Variants in NTM observed in about 807,000 individuals in gnomAD.
NTM encodes the protein IgLON family member 2.
NTM carries 13 observed loss-of-function variants against 42.1 expected under a neutral mutation model. The observed-to-expected ratio is 0.31, with a 90% CI of 0.20 to 0.49. NTM has a LOEUF of 0.49. Among genes scored for constraint, NTM ranks in the 20% least tolerant of loss-of-function variants. NTM has a pLI of 0.99. For missense variants in NTM, 373 were observed against 452.8 expected, an observed-to-expected ratio of 0.82 and a Z score of 1.60; for synonymous variants, 187 against 179.2, an observed-to-expected ratio of 1.04 and a Z score of -0.35.
At chr11:131,415,898 C>T (rs1361244851) in intron 1 of NTM, among the ~76,000 whole-genome samples, 1 of 152,106 alleles carries the variant, frequency 6.6e-6, no homozygotes, top group Non-Finnish European at 1.5e-5. Flanking sequence ...GTAGTGGGCA[C>T]AGGAGGTAGT....
intron 2 of NTM, among the ~76,000 whole-genome samples, chr11:132,134,725 A>C (rs1299238431): frequency 3.2e-5 from 2 of 62,894 alleles, no homozygotes; most frequent in East Asian, 3.6e-4. Context: ...ATATATATAT[A>C]TATATATATA....
chr11:131,372,671 T>C (rs1311082933), intron 1 of NTM, among the ~76,000 whole-genome samples: 1 of 152,076 alleles, frequency 6.6e-6, no homozygotes, highest in Non-Finnish European at 1.5e-5. Context: ...GAGATCCATG[T>C]CTCTTCTGCC....
At chr11:131,414,239 G>GA (rs1157119159) in intron 1 of NTM, among the ~76,000 whole-genome samples, 2 of 152,182 alleles carry the variant, frequency 1.3e-5, no homozygotes, top group Non-Finnish European at 2.9e-5. Context: ...TCTGGGAGAT[G>GA]AAGCAAACCC....
At chr11:131,940,962 C>T (rs1408679735) in intron 2 of NTM, among the ~76,000 whole-genome samples, 1 of 152,056 alleles carries the variant, frequency 6.6e-6, no homozygotes, top group African/African-American at 2.4e-5. Context: ...TCAAAGTAAA[C>T]CCCTGCATGA....
chr11:131,901,812 C>G lies in NTM; in HGVS notation c.83-9752C>G, dbSNP rs146273424. Among the ~76,000 whole-genome samples, 101 of 152,338 alleles carry G rather than the reference C, an allele frequency of 6.6e-4. No individual in the cohort carries two copies. The East Asian group carries it at 0.018, about 27-fold the overall frequency. Reference sequence around the variant, plus strand: ...CAACATTTTCCAAATTCTGCCTCCTCCAGGTTCAAAGCTACCTGAACAGCA... The same window carrying G: ...CAACATTTTCCAAATTCTGCCTCCTGCAGGTTCAAAGCTACCTGAACAGCA... On this transcript the variant is annotated intron_variant, in intron 1 of 8. Transcript: ENST00000683400.
At chr11:131,884,180 CG>C (rs1223368197) in intron 1 of NTM, among the ~76,000 whole-genome samples, 1 of 152,054 alleles carries the variant, frequency 6.6e-6, no homozygotes, top group Non-Finnish European at 1.5e-5. Flanking sequence ...GAGGCTGAGG[CG>C]GGCAGATCAC....
chr11:132,260,096 G>A (rs555067918), intron 4 of NTM, among the ~76,000 whole-genome samples: 81 of 152,256 alleles, frequency 5.3e-4, no homozygotes, highest in Admixed American at 1.0e-3. Context: ...CAAGGGAGGA[G>A]GAGGACTAGC....
intron 3 of NTM, among the ~76,000 whole-genome samples, chr11:132,167,293 A>G (rs576509859): frequency 1.5e-4 from 23 of 151,968 alleles, no homozygotes; most frequent in African/African-American, 5.6e-4. Context: ...CTGGTCTTCA[A>G]CTCCTCAAGT....
At chr11:131,408,711 A>G (rs1270064824) in intron 1 of NTM, among the ~76,000 whole-genome samples, 1 of 152,178 alleles carries the variant, frequency 6.6e-6, no homozygotes, top group Non-Finnish European at 1.5e-5. Flanking sequence ...AAAGATTCTA[A>G]CTCAAGCCCA....
At chr11:132,176,722 GTTT>G (rs148699196) in intron 3 of NTM, among the ~76,000 whole-genome samples, 1 of 82,004 alleles carries the variant, frequency 1.2e-5, no homozygotes, top group Admixed American at 1.9e-4. Flanking sequence ...CATGCCTAAA[GTTT>G]TTTTTTTTTT....
At chr11:132,214,835 C>G (rs1479632651) in intron 4 of NTM, among the ~76,000 whole-genome samples, 1 of 152,202 alleles carries the variant, frequency 6.6e-6, no homozygotes, top group African/African-American at 2.4e-5. Context: ...GCAGGACAAT[C>G]AGAATGTACC....
intron 7 of NTM, among the ~76,000 whole-genome samples, chr11:132,329,046 G>T (rs945891849): frequency 1.3e-5 from 2 of 152,160 alleles, no homozygotes; most frequent in Non-Finnish European, 2.9e-5. Flanking sequence ...AATCAAGAGG[G>T]ATATCGTGTG....
At chr11:131,758,407 T>C (rs2083626721) in intron 1 of NTM, among the ~76,000 whole-genome samples, 1 of 152,002 alleles carries the variant, frequency 6.6e-6, no homozygotes, top group Non-Finnish European at 1.5e-5. Flanking sequence ...AACACTGTCT[T>C]CAAAGCAACA....
intron 1 of NTM, among the ~76,000 whole-genome samples, chr11:131,712,988 G>C (rs1025668985): frequency 2.0e-5 from 3 of 152,160 alleles, no homozygotes; most frequent in African/African-American, 7.2e-5. Context: ...GTAGCAGAGA[G>C]GGAGCCCCGG....
In NTM at chr11:132,151,299, C is replaced by T. The variant is rs180762135; in HGVS notation, c.400+4785C>T. On this transcript the variant is annotated intron_variant, in intron 3 of 8. Coordinates refer to ENST00000683400, the MANE Select transcript of NTM (RefSeq NM_001352005.2). ...GCAAGTTAAGGACAGCTTGAGAAGA[C>T]GTCTAAAAGGCCCCGTCTGTGTTTC... Among the ~76,000 whole-genome samples, 308 of 152,250 alleles carry T rather than the reference C, an allele frequency of 2.0e-3. 3 individuals are homozygous for T. Among genetic ancestry groups the T allele is most frequent in the African/African-American group, 7.2e-3 (298 of 41,548 alleles).
At chr11:131,559,247 C>T (rs2055881281) in intron 1 of NTM, among the ~76,000 whole-genome samples, 1 of 152,188 alleles carries the variant, frequency 6.6e-6, no homozygotes, top group Admixed American at 6.5e-5. Flanking sequence ...TGGTCTAAAA[C>T]TCTTCTTTTT....
chr11:131,655,776 A>C (rs2067107799), intron 1 of NTM, among the ~76,000 whole-genome samples: 1 of 152,266 alleles, frequency 6.6e-6, no homozygotes, highest in Non-Finnish European at 1.5e-5. Flanking sequence ...TCTCCTACCC[A>C]GCCAAGCTCT....
At chr11:131,505,180 A>G (rs2047337027) in intron 1 of NTM, among the ~76,000 whole-genome samples, 1 of 151,858 alleles carries the variant, frequency 6.6e-6, no homozygotes, top group Non-Finnish European at 1.5e-5. Context: ...TGAGGATTTG[A>G]TGATGTCTCT....
intron 1 of NTM, among the ~76,000 whole-genome samples, chr11:131,808,854 G>A (rs899662439): frequency 6.6e-6 from 1 of 152,228 alleles, no homozygotes; most frequent in African/African-American, 2.4e-5. Flanking sequence ...CCCAGAGGCT[G>A]GCGGGACAAA....
Sources: allele counts gnomAD v4.1 joint callset (sites outside exome capture counted in the v4.1 genomes callset), GRCh38; gene constraint gnomAD v4.1.1; transcripts MANE v1.5; gene names NCBI Gene and HGNC (gene_info 2026-07-23, HGNC 2026-07-21).